The following TBCEL variants were observed in gnomAD, a reference collection of about 807,000 sequenced individuals.
The protein encoded by TBCEL is tubulin folding cofactor E like.
Under a neutral mutation model 44.2 loss-of-function variants are expected in TBCEL, and 15 were observed. The ratio of observed to expected loss-of-function variants is 0.34; its 90% CI spans 0.23 to 0.52. The LOEUF (loss-of-function observed/expected upper bound fraction) is 0.52. Among genes scored for constraint, TBCEL ranks in the 20% least tolerant of loss-of-function variants. The probability of loss-of-function intolerance (pLI) is 0.95; values close to 1 mark genes in which losing one functional copy is unlikely to be tolerated. For missense variants in TBCEL, 319 were observed against 506.3 expected (o/e 0.63, Z 3.55); for synonymous variants, 171 against 185.4 (o/e 0.92, Z 0.63).
chr11:121,075,687 C>G (rs191085831), intron 8 of TBCEL, among the ~76,000 whole-genome samples: 6 of 152,028 alleles, frequency 3.9e-5, no homozygotes, highest in Admixed American at 3.9e-4. Flanking sequence ...CGTACAAGTC[C>G]TATACATCTT....
In TBCEL at chr11:121,090,097, G is replaced by A. The variant is rs962795478; in HGVS notation, c.*3001G>A. Reference sequence around the variant, plus strand: ...TAAATACGTAAGAAAGCAGCAGATAGTATAAGCCCCTAGTTATTAAGACTT... The same window carrying A: ...TAAATACGTAAGAAAGCAGCAGATAATATAAGCCCCTAGTTATTAAGACTT... On this transcript the variant is annotated 3_prime_UTR_variant, in exon 9 of 9. Coordinates refer to ENST00000683345, the MANE Select transcript of TBCEL (RefSeq NM_001363644.2). The A allele has an allele frequency of 3.9e-5, 6 of 152,170 alleles. No homozygotes were observed. Among genetic ancestry groups the A allele is most frequent in the African/African-American group, 1.4e-4 (6 of 41,446 alleles). The allele number at this position is 152,170 out of a possible 1,614,324, so 9.4% of individuals were successfully genotyped here.
intron 8 of TBCEL, among the ~76,000 whole-genome samples, chr11:121,067,353 T>C (rs1945839252): frequency 6.6e-6 from 1 of 152,182 alleles, no homozygotes; most frequent in South Asian, 2.1e-4. Context: ...GAGTAAAATG[T>C]TTAGGAGACT....
intron 1 of TBCEL, among the ~76,000 whole-genome samples, chr11:121,029,468 G>C (rs1181735502): frequency 6.6e-6 from 1 of 152,158 alleles, no homozygotes; most frequent in Non-Finnish European, 1.5e-5. Flanking sequence ...CTGTGAAATG[G>C]CTATTAATAG....
intron 1 of TBCEL, among the ~76,000 whole-genome samples, chr11:121,026,521 A>G (rs1296924093): frequency 6.6e-6 from 1 of 152,144 alleles, no homozygotes; most frequent in Non-Finnish European, 1.5e-5. Flanking sequence ...TATTATTTGT[A>G]ACATAGAATT....
chr11:121,031,395 ATC>A (rs1328266795), intron 1 of TBCEL, among the ~76,000 whole-genome samples: 3 of 152,336 alleles, frequency 2.0e-5, no homozygotes, highest in East Asian at 1.9e-4. Context: ...ATAAAATGGT[ATC>A]TCATTGAGAT....
At chr11:121,086,645 T>G in intron 8 of TBCEL, 133 bp from the exon 9 acceptor site, 1 of 697,328 alleles carries the variant, frequency 1.4e-6, no homozygotes, top group East Asian at 2.7e-5. Flanking sequence ...ACAGAGTCCA[T>G]AGGAGTCATG....
chr11:121,041,822 A>G (rs1945338746), intron 2 of TBCEL, among the ~76,000 whole-genome samples: 1 of 151,958 alleles, frequency 6.6e-6, no homozygotes, highest in Admixed American at 6.6e-5. Flanking sequence ...CCTATGTATT[A>G]ATGTGTGCCC....
At chr11:121,055,330 A>G in intron 6 of TBCEL, 22 bp downstream of exon 6, 1 of 1,558,252 alleles carries the variant, frequency 6.4e-7, no homozygotes, top group Non-Finnish European at 8.7e-7. Context: ...GCTTGTTCTT[A>G]TTCTACATGC....
At chr11:121,083,036 C>A (rs1194690322) in intron 8 of TBCEL, among the ~76,000 whole-genome samples, 1 of 152,188 alleles carries the variant, frequency 6.6e-6, no homozygotes, top group African/African-American at 2.4e-5. Context: ...AGGGCTGTGA[C>A]TGATAGAAGC....
chr11:121,052,533 T>C (rs548977996), intron 4 of TBCEL, among the ~76,000 whole-genome samples: 1 of 151,908 alleles, frequency 6.6e-6, no homozygotes, highest in East Asian at 1.9e-4. Context: ...CCTTTTCTTA[T>C]AGCTTTTACT....
intron 5 of TBCEL, 152 bp downstream of exon 5, chr11:121,053,884 A>C: frequency 2.5e-6 from 2 of 792,516 alleles, no homozygotes; most frequent in Non-Finnish European, 3.9e-6. Context: ...TGAGAATGTG[A>C]GGGTAATCTA....
chr11:121,043,026 A>G (rs1006116330), intron 2 of TBCEL, among the ~76,000 whole-genome samples: 2 of 152,134 alleles, frequency 1.3e-5, no homozygotes, highest in African/African-American at 4.8e-5. Context: ...CAACTAGTGC[A>G]TTTGTATATT....
At chr11:121,084,362 C>G (rs1362126827) in intron 8 of TBCEL, among the ~76,000 whole-genome samples, 1 of 152,116 alleles carries the variant, frequency 6.6e-6, no homozygotes, top group Non-Finnish European at 1.5e-5. Flanking sequence ...TCTTTGAGCG[C>G]TGGTTTTTAT....
At chr11:121,085,845 T>A (rs1946207269) in intron 8 of TBCEL, among the ~76,000 whole-genome samples, 1 of 152,126 alleles carries the variant, frequency 6.6e-6, no homozygotes, top group Non-Finnish European at 1.5e-5. Flanking sequence ...CCACAAACCT[T>A]ATTATGACAC....
chr11:121,031,501 CTT>C (rs1325390786), intron 1 of TBCEL, among the ~76,000 whole-genome samples: 1 of 151,884 alleles, frequency 6.6e-6, no homozygotes, highest in African/African-American at 2.4e-5. Flanking sequence ...TTGTTTATGT[CTT>C]TTGTCCATTT....
At chr11:121,052,450 A>G (rs1945545347) in intron 4 of TBCEL, among the ~76,000 whole-genome samples, 1 of 151,882 alleles carries the variant, frequency 6.6e-6, no homozygotes, top group African/African-American at 2.4e-5. Flanking sequence ...GAAATCACAC[A>G]GCTAGGAAGT....
intron 6 of TBCEL, chr11:121,057,580 A>G (rs747661391): frequency 5.3e-5 from 24 of 454,828 alleles, no homozygotes; most frequent in Middle Eastern, 3.3e-4. Flanking sequence ...CATGCATTCA[A>G]CCAACTGCAG....
Position 121,045,840 on chromosome 11 carries a change from C to A in TBCEL, c.133+17C>A. ...CTATGAAAGGTAAGAAAGATGGGAC[C>A]TAAAACACTTATTTAGTGGAGCTTA... On this transcript the variant is annotated intron_variant, in intron 3 of 8. Transcript: ENST00000683345. The A allele has an allele frequency of 6.4e-7, 1 of 1,555,408 alleles. No individual in the cohort carries two copies. The highest frequency in any genetic ancestry group is 8.6e-7 in the Non-Finnish European group (1 of 1,157,582).
intron 1 of TBCEL, among the ~76,000 whole-genome samples, chr11:121,025,724 T>TTA (rs1200604709): frequency 6.6e-6 from 1 of 151,966 alleles, no homozygotes; most frequent in Non-Finnish European, 1.5e-5. Context: ...GGATTTTTTT[T>TTA]TTTTTTATTT....
Sources: allele counts gnomAD v4.1 joint callset (sites outside exome capture counted in the v4.1 genomes callset), GRCh38; gene constraint gnomAD v4.1.1; transcripts MANE v1.5; gene names NCBI Gene and HGNC (gene_info 2026-07-23, HGNC 2026-07-21).